The following CLSTN1 variants were observed in gnomAD, a reference collection of about 807,000 sequenced individuals.
CLSTN1 encodes calsyntenin-1.
A neutral mutation model predicts 108.3 loss-of-function variants in CLSTN1; 28 were observed. The observed-to-expected ratio is 0.26, with a 90% CI of 0.19 to 0.35. The LOEUF (loss-of-function observed/expected upper bound fraction) is 0.35, where lower values mean the gene tolerates loss of function less well. Ranked by LOEUF, CLSTN1 falls within the 10% of genes least tolerant of loss-of-function variation. The probability of loss-of-function intolerance (pLI) is 1.00; values close to 1 mark genes in which losing one functional copy is unlikely to be tolerated. For synonymous variants in CLSTN1, 524 were observed against 534.9 expected, an observed-to-expected ratio of 0.98 and a Z score of 0.28; for missense variants, 1,157 against 1,302.6, an observed-to-expected ratio of 0.89 and a Z score of 1.72.
intron 1 of CLSTN1, among the ~76,000 whole-genome samples, chr1:9,794,194 A>C (rs1008972421): frequency 4.0e-5 from 6 of 151,532 alleles, no homozygotes; most frequent in Non-Finnish European, 8.8e-5. Context: ...CAGAGCCCTG[A>C]GCTTTCTTCA....
rs1217061101 is a variant in CLSTN1, at chr1:9,796,305, A to AAAAC, written c.92-22915_92-22912dup. On this transcript the variant is annotated intron_variant, in intron 1 of 18. Coordinates refer to ENST00000377298, the MANE Select transcript of CLSTN1 (RefSeq NM_001009566.3). ...AAAAACAAAACAAAACAAAAAAAAAAAAACAGGCATTTGACCTGGCATCTC... is the reference window on the plus strand; with the variant it reads ...AAAAACAAAACAAAACAAAAAAAAAAAAACAAACAGGCATTTGACCTGGCATCTC... 2.7e-5 allele frequency among the ~76,000 whole-genome samples: 4 copies of AAAAC among 150,340 alleles called. No individual in the cohort carries two copies. In the East Asian group the frequency reaches 8.0e-4, roughly 30 times the overall value.
In CLSTN1 at chr1:9,740,917, C is replaced by G. The variant is rs566914440; in HGVS notation, c.1519+177G>C. On this transcript the variant is annotated intron_variant, in intron 10 of 18. Coordinates refer to ENST00000377298, the MANE Select transcript of CLSTN1 (RefSeq NM_001009566.3). ...TGGAGCACCTACAGACAGAGCTATGCTAGCTAGAGTGGGGTAACGGCAGTG... is the reference window on the plus strand; with the variant it reads ...TGGAGCACCTACAGACAGAGCTATGGTAGCTAGAGTGGGGTAACGGCAGTG... 1.1e-4 allele frequency among the ~76,000 whole-genome samples: 16 copies of G among 152,276 alleles called. No homozygotes were observed. In the South Asian group the frequency reaches 3.1e-3, roughly 30 times the overall value.
intron 1 of CLSTN1, among the ~76,000 whole-genome samples, chr1:9,789,151 A>G (rs374566700): frequency 1.9e-4 from 29 of 151,544 alleles, no homozygotes; most frequent in Admixed American, 2.0e-4. Context: ...CAAATACCTC[A>G]AGGCCCTGTT....
intron 9 of CLSTN1, 82 bp downstream of exon 9, chr1:9,743,802 C>A (rs1247087650): frequency 6.6e-7 from 1 of 1,516,364 alleles, no homozygotes; most frequent in Non-Finnish European, 9.1e-7. Flanking sequence ...AAGCAATCCT[C>A]GTGCCCCAGC....
intron 7 of CLSTN1, among the ~76,000 whole-genome samples, chr1:9,746,728 C>A (rs903024363): frequency 1.3e-4 from 20 of 148,158 alleles, no homozygotes; most frequent in African/African-American, 4.2e-4. Context: ...AAAAAAAAAA[C>A]CACACACACA....
intron 6 of CLSTN1, 30 bp from the exon 7 acceptor site, chr1:9,749,676 G>C (rs1374193337): frequency 6.2e-7 from 1 of 1,611,604 alleles, no homozygotes; most frequent in Admixed American, 1.7e-5. Flanking sequence ...AGCAGGGGAA[G>C]AGAGAAGGAA....
chr1:9,744,074 G>A (rs1390157121), intron 8 of CLSTN1, 69 bp from the exon 9 acceptor site: 1 of 1,582,772 alleles, frequency 6.3e-7, no homozygotes, highest in Non-Finnish European at 8.6e-7. Flanking sequence ...GCTGTTTCTT[G>A]AATGGATTTT....
intron 4 of CLSTN1, among the ~76,000 whole-genome samples, chr1:9,752,608 A>G (rs1651605955): frequency 6.6e-6 from 1 of 152,074 alleles, no homozygotes; most frequent in South Asian, 2.1e-4. Flanking sequence ...GCTCACACCT[A>G]TCCCAGCACT....
chr1:9,796,099 T>C (rs949698866), intron 1 of CLSTN1, among the ~76,000 whole-genome samples: 1 of 149,772 alleles, frequency 6.7e-6, no homozygotes, highest in Non-Finnish European at 1.5e-5. Context: ...CTGTCTCTAC[T>C]AAACACAGAA....
intron 13 of CLSTN1, 34 bp downstream of exon 13, chr1:9,735,433 C>T (rs1458723468): frequency 6.2e-7 from 1 of 1,613,924 alleles, no homozygotes; most frequent in Non-Finnish European, 8.5e-7. Context: ...TGTCATTGGG[C>T]AAAACAGGCC....
chr1:9,732,982 G>A (rs1650488030), intron 16 of CLSTN1, among the ~76,000 whole-genome samples: 1 of 152,172 alleles, frequency 6.6e-6, no homozygotes, highest in South Asian at 2.1e-4. Flanking sequence ...CTTGAACCTG[G>A]GGGGACAAGA....
Position 9,730,348 on chromosome 1 carries a change from C to G in CLSTN1, c.*160G>C. On this transcript the variant is annotated 3_prime_UTR_variant, in exon 19 of 19. Coordinates refer to ENST00000377298, the MANE Select transcript of CLSTN1 (RefSeq NM_001009566.3). The surrounding 1 kb of genome is among the most constrained non-coding windows in gnomAD (Gnocchi z 5.6). ...GACCAGGCAGAGGGTGGGCGGGGAGCCTAGGGTCCTACACACCAAGCACAG... is the reference window on the plus strand; with the variant it reads ...GACCAGGCAGAGGGTGGGCGGGGAGGCTAGGGTCCTACACACCAAGCACAG... 1.4e-6 allele frequency: 1 copy of G among 713,044 alleles called. No individual in the cohort carries two copies. The highest frequency in any genetic ancestry group is 2.0e-5 in the Admixed American group (1 of 48,866). 44.2% of individuals were successfully genotyped at this position (713,044 alleles called of 1,614,324 possible). A position where few individuals can be genotyped will look rare whatever the true frequency, so the allele number is the denominator to read the frequency against.
At chr1:9,801,048 A>G (rs921649581) in intron 1 of CLSTN1, among the ~76,000 whole-genome samples, 4 of 152,026 alleles carry the variant, frequency 2.6e-5, no homozygotes, top group Admixed American at 6.6e-5. Context: ...GGAGTTCGAG[A>G]CCACCCTGAC....
intron 1 of CLSTN1, among the ~76,000 whole-genome samples, chr1:9,802,205 G>A (rs1654303011): frequency 6.6e-6 from 1 of 152,168 alleles, no homozygotes; most frequent in South Asian, 2.1e-4. Context: ...CTATGCTCTT[G>A]CAGTGACAAC....
rs1383063162 is a variant in CLSTN1 at position 9,768,476 on chromosome 1, G to A, written c.214+4796C>T. Among the ~76,000 whole-genome samples the A allele has an allele frequency of 1.7e-4, 22 of 129,498 alleles. 1 individual carries two copies. The highest frequency in any genetic ancestry group is 4.9e-5 in the Non-Finnish European group (3 of 60,882). The allele number at this position is 129,498 out of a possible 152,430, so 85.0% of individuals were successfully genotyped here. On this transcript the variant is annotated intron_variant, in intron 2 of 18. Transcript: ENST00000377298. ...GGGGTTCTGTGTTGAGCGGCACAATGGGGGTGGGGTTCTGTGCTGGGTGGC... is the reference window on the plus strand; with the variant it reads ...GGGGTTCTGTGTTGAGCGGCACAATAGGGGTGGGGTTCTGTGCTGGGTGGC...
rs114754158 is a variant in CLSTN1 at position 9,792,185 on chromosome 1, A to G, written c.92-18791T>C. Among the ~76,000 whole-genome samples, 1,377 of 150,958 alleles carry G rather than the reference A, an allele frequency of 9.1e-3. 43 individuals carry two copies. The highest frequency in any genetic ancestry group is 0.045 in the East Asian group (221 of 4,950). ...TAGGCGACAGCGAGACTCCACTTCA[A>G]GGGGAAAAACAACAACAACAACAAC... is the stretch of plus-strand genomic sequence containing the variant. On this transcript the variant is annotated intron_variant, in intron 1 of 18. Transcript: ENST00000377298.
chr1:9,796,154 C>CG (rs559668184), intron 1 of CLSTN1, among the ~76,000 whole-genome samples: 80 of 148,860 alleles, frequency 5.4e-4, no homozygotes, highest in African/African-American at 1.8e-3. Flanking sequence ...CCCAGCTACT[C>CG]GGGGGGCTGA....
intron 2 of CLSTN1, among the ~76,000 whole-genome samples, chr1:9,764,637 T>TAAAAAAA (rs70998307): frequency 1.2e-5 from 1 of 82,332 alleles, no homozygotes; most frequent in Non-Finnish European, 2.3e-5. Context: ...GCTCCATCTT[T>TAAAAAAA]AAAAAAAAAA....
intron 12 of CLSTN1, 98 bp downstream of exon 12, chr1:9,735,787 G>GT (rs764166993): frequency 1.1e-5 from 16 of 1,515,108 alleles, no homozygotes; most frequent in Admixed American, 5.5e-5. Context: ...AACAGTAAAC[G>GT]TATCAATCAC....
Sources: gnomAD v4.1 joint callset for allele counts (sites outside exome capture counted in the v4.1 genomes callset) on GRCh38, gnomAD v4.1.1 for gene constraint, Gnocchi (gnomAD v3.1) non-coding constraint, MANE v1.5 for transcripts, NCBI Gene and HGNC (gene_info 2026-07-23, HGNC 2026-07-21) for gene names.